The following KYNU variants were observed in gnomAD, a reference collection of about 807,000 sequenced individuals.
KYNU encodes L-kynurenine hydrolase.
KYNU carries 54 observed loss-of-function variants against 59.2 expected under a neutral mutation model. The observed-to-expected ratio is 0.91, with a 90% CI of 0.73 to 1.14. The LOEUF is 1.14. Ranked by LOEUF, KYNU falls within the 50% of genes most tolerant of loss-of-function variation. KYNU has a pLI of 0.00. For synonymous variants in KYNU, 177 were observed against 192.0 expected, an observed-to-expected ratio of 0.92 and a Z score of 0.65; for missense variants, 567 against 554.4, an observed-to-expected ratio of 1.02 and a Z score of -0.23.
chr2:142,976,038 A>G (rs1359011327), intron 8 of KYNU, among the ~76,000 whole-genome samples: 1 of 152,160 alleles, frequency 6.6e-6, no homozygotes, highest in Non-Finnish European at 1.5e-5. Context: ...ATTTACCACG[A>G]CAGTCATAGG....
chr2:142,996,408 G>A (rs940515345), intron 10 of KYNU, among the ~76,000 whole-genome samples: 2 of 151,970 alleles, frequency 1.3e-5, no homozygotes, highest in Admixed American at 6.6e-5. Flanking sequence ...TTGTAGGGAC[G>A]GGGTCTCATT....
intron 10 of KYNU, 24 bp downstream of exon 10, chr2:142,986,045 C>A (rs774745854): frequency 4.5e-6 from 7 of 1,541,458 alleles, no homozygotes; most frequent in Admixed American, 3.4e-5. Context: ...TCAGCTAATT[C>A]TTTGGTGATG....
chr2:142,920,587 T>C (rs547269764), intron 3 of KYNU, among the ~76,000 whole-genome samples: 6 of 152,330 alleles, frequency 3.9e-5, no homozygotes, highest in African/African-American at 1.4e-4. Context: ...CTTCTATTGT[T>C]TTGTCTTTTA....
chr2:143,003,287 G>A (rs138504023), intron 10 of KYNU, among the ~76,000 whole-genome samples: 23 of 143,352 alleles, frequency 1.6e-4, no homozygotes, highest in African/African-American at 5.4e-4. Flanking sequence ...TTTACAGCTG[G>A]GGGGGGTGGC....
chr2:142,919,254 G>A (rs1682784911), intron 3 of KYNU, among the ~76,000 whole-genome samples: 1 of 152,148 alleles, frequency 6.6e-6, no homozygotes, highest in African/African-American at 2.4e-5. Flanking sequence ...GGCAGAATCA[G>A]GACTAAAAAC....
chr2:143,051,381 G>A lies in KYNU; in HGVS notation c.*9209G>A, dbSNP rs1687263068. ...ATAAACCAGAATCTTAACAGGAAGAGTGCTCATTTTAATTGAGCTGATCAT... is the reference window on the plus strand; with the variant it reads ...ATAAACCAGAATCTTAACAGGAAGAATGCTCATTTTAATTGAGCTGATCAT... On this transcript the variant is annotated 3_prime_UTR_variant, in exon 14 of 14. Coordinates refer to ENST00000264170, the MANE Select transcript of KYNU (RefSeq NM_003937.3). The A allele has an allele frequency of 6.6e-6, 1 of 152,070 alleles. No individual in the cohort carries two copies. Among genetic ancestry groups the A allele is most frequent in the Non-Finnish European group, 1.5e-5 (1 of 68,014 alleles). 9.4% of individuals were successfully genotyped at this position (152,070 alleles called of 1,614,324 possible).
intron 12 of KYNU, among the ~76,000 whole-genome samples, chr2:143,037,484 C>T (rs1347984068): frequency 6.6e-6 from 1 of 152,094 alleles, no homozygotes; most frequent in Non-Finnish European, 1.5e-5. Flanking sequence ...CATGGCGAGT[C>T]AGAAGACTCA....
intron 8 of KYNU, among the ~76,000 whole-genome samples, chr2:142,973,542 T>C (rs1438428870): frequency 6.6e-6 from 1 of 152,114 alleles, no homozygotes; most frequent in Non-Finnish European, 1.5e-5. Flanking sequence ...ACTACTCCCA[T>C]CCTCATACCT....
intron 12 of KYNU, among the ~76,000 whole-genome samples, chr2:143,036,232 T>G (rs1162321607): frequency 6.6e-6 from 1 of 152,050 alleles, no homozygotes; most frequent in Non-Finnish European, 1.5e-5. Flanking sequence ...AGGCCATTTT[T>G]ACTTCCTGCA....
intron 8 of KYNU, among the ~76,000 whole-genome samples, chr2:142,981,662 G>A (rs1278625251): frequency 6.6e-6 from 1 of 151,934 alleles, no homozygotes; most frequent in Non-Finnish European, 1.5e-5. Flanking sequence ...CTTTGGTGAG[G>A]AACAAAGAAT....
intron 8 of KYNU, among the ~76,000 whole-genome samples, chr2:142,983,716 G>T (rs747870600): frequency 2.6e-5 from 4 of 151,892 alleles, no homozygotes; most frequent in Non-Finnish European, 5.9e-5. Flanking sequence ...TACTGTATTT[G>T]CAATTAAAAC....
intron 10 of KYNU, among the ~76,000 whole-genome samples, chr2:142,993,460 G>C (rs773717389): frequency 3.7e-4 from 56 of 152,024 alleles, no homozygotes; most frequent in Non-Finnish European, 3.8e-4. Flanking sequence ...CCTGTCATCA[G>C]TCTTAGTCCT....
chr2:142,986,955 G>C (rs963458653), intron 10 of KYNU, among the ~76,000 whole-genome samples: 1 of 151,694 alleles, frequency 6.6e-6, no homozygotes, highest in African/African-American at 2.4e-5. Flanking sequence ...ATTTTCTATA[G>C]TTTCTTTAAT....
Position 143,047,452 on chromosome 2 carries a change from T to A in KYNU, c.*5280T>A, listed in dbSNP as rs1227839709. The A allele has an allele frequency of 6.6e-6, 1 of 152,144 alleles. No homozygotes were observed. Among genetic ancestry groups the A allele is most frequent in the Non-Finnish European group, 1.5e-5 (1 of 68,032 alleles). 9.4% of individuals were successfully genotyped at this position (152,144 alleles called of 1,614,324 possible). A position where few individuals can be genotyped will look rare whatever the true frequency, so the allele number is the denominator to read the frequency against. On this transcript the variant is annotated 3_prime_UTR_variant, in exon 14 of 14. Coordinates refer to ENST00000264170, the MANE Select transcript of KYNU (RefSeq NM_003937.3). Reference sequence around the variant, plus strand: ...ATACATGAATTCAATTGGTATCTATTTTTAATATGGGAAATTTTATGCAAA... The same window carrying A: ...ATACATGAATTCAATTGGTATCTATATTTAATATGGGAAATTTTATGCAAA...
At chr2:142,944,674 A>T (rs1368278465) in intron 4 of KYNU, among the ~76,000 whole-genome samples, 1 of 150,516 alleles carries the variant, frequency 6.6e-6, no homozygotes, top group Non-Finnish European at 1.5e-5. Context: ...GTTAACTTTT[A>T]AAAAAAAAAG....
chr2:142,893,127 C>T (rs1681765531), intron 2 of KYNU, among the ~76,000 whole-genome samples: 1 of 152,148 alleles, frequency 6.6e-6, no homozygotes, highest in Non-Finnish European at 1.5e-5. Context: ...TAGGGTACAA[C>T]TAGCAGTTGA....
At chr2:142,965,495 A>G (rs747174209) in intron 8 of KYNU, among the ~76,000 whole-genome samples, 13 of 152,158 alleles carry the variant, frequency 8.5e-5, no homozygotes, top group Non-Finnish European at 1.2e-4. Context: ...TCTGAGTGCC[A>G]TCTCCCAAGT....
intron 10 of KYNU, among the ~76,000 whole-genome samples, chr2:143,016,816 G>A (rs191224006): frequency 1.4e-3 from 208 of 152,176 alleles, no homozygotes; most frequent in African/African-American, 4.8e-3. Flanking sequence ...GTGATGCTGA[G>A]GTTTGGGGTC....
intron 8 of KYNU, among the ~76,000 whole-genome samples, chr2:142,974,625 G>C (rs1329138310): frequency 6.6e-6 from 1 of 152,202 alleles, no homozygotes; most frequent in East Asian, 1.9e-4. Context: ...TAACTGACTA[G>C]CTATGTAAAT....
Sources: gnomAD v4.1 joint callset for allele counts (sites outside exome capture counted in the v4.1 genomes callset) on GRCh38, gnomAD v4.1.1 for gene constraint, MANE v1.5 for transcripts, NCBI Gene and HGNC (gene_info 2026-07-23, HGNC 2026-07-21) for gene names.